Variants in CMTM8 observed in about 807,000 individuals in gnomAD.
The protein encoded by CMTM8 is CKLF like MARVEL transmembrane domain containing 8, also known as CKLF-like MARVEL transmembrane domain-containing protein 8.
CMTM8 carries 12 observed loss-of-function variants against 18.6 expected under a neutral mutation model. That is an observed-to-expected ratio of 0.65 (90% CI 0.41 to 1.05). The LOEUF (loss-of-function observed/expected upper bound fraction) is 1.05. CMTM8 is among the 50% of genes least tolerant of loss of function. The probability of loss-of-function intolerance (pLI) is 0.00; values close to 1 mark genes in which losing one functional copy is unlikely to be tolerated. For missense variants in CMTM8, 217 were observed against 227.2 expected (o/e 0.95, Z 0.29); for synonymous variants, 87 against 90.6 (o/e 0.96, Z 0.23).
chr3:32,272,720 G>C (rs1702456830), intron 1 of CMTM8, among the ~76,000 whole-genome samples: 1 of 152,112 alleles, frequency 6.6e-6, no homozygotes, highest in Non-Finnish European at 1.5e-5. Flanking sequence ...AATTGAAAGG[G>C]ACATCTTTTC....
intron 1 of CMTM8, among the ~76,000 whole-genome samples, chr3:32,258,310 A>AT (rs1006542649): frequency 2.6e-5 from 4 of 152,048 alleles, no homozygotes; most frequent in African/African-American, 4.8e-5. Context: ...ACTACTACGT[A>AT]TTTTTTTAAT....
intron 1 of CMTM8, among the ~76,000 whole-genome samples, chr3:32,264,516 A>T (rs1002473628): frequency 1.3e-5 from 2 of 152,240 alleles, no homozygotes; most frequent in African/African-American, 4.8e-5. Flanking sequence ...TGTAAAGACC[A>T]TCGAGGCTAG....
intron 1 of CMTM8, among the ~76,000 whole-genome samples, chr3:32,315,215 T>C (rs767055764): frequency 4.0e-5 from 6 of 151,416 alleles, no homozygotes; most frequent in Admixed American, 4.0e-4. Flanking sequence ...CCGCAACCTC[T>C]GCCTCCCAGG....
At chr3:32,239,178 CG>C in intron 1 of CMTM8, 59 bp downstream of exon 1, 1 of 1,534,722 alleles carries the variant, frequency 6.5e-7, no homozygotes, top group Non-Finnish European at 8.8e-7. Context: ...CGCGTGCTTC[CG>C]CCGTGCTTCT....
chr3:32,259,364 A>C (rs557012822), intron 1 of CMTM8: 1 of 779,894 alleles, frequency 1.3e-6, no homozygotes, highest in South Asian at 1.3e-5. Flanking sequence ...GGTCTTCTCA[A>C]ATACTGTGGA....
In CMTM8 at chr3:32,331,385, G is replaced by C. The variant is rs377417883; in HGVS notation, c.148-25988G>C. Reference sequence around the variant, plus strand: ...GCACATGGGAATGTAAAATGATGAGGCCGCTCTGGAAAACAGTACGGGGGG... The same window carrying C: ...GCACATGGGAATGTAAAATGATGAGCCCGCTCTGGAAAACAGTACGGGGGG... On this transcript the variant is annotated intron_variant, in intron 1 of 3. Coordinates refer to ENST00000307526, the MANE Select transcript of CMTM8 (RefSeq NM_178868.5). 2.0e-5 allele frequency among the ~76,000 whole-genome samples: 3 copies of C among 152,158 alleles called. No individual in the cohort carries two copies. The Middle Eastern group carries it at 0.01, about 518-fold the overall frequency.
intron 1 of CMTM8, among the ~76,000 whole-genome samples, chr3:32,240,530 G>A (rs1442203364): frequency 6.6e-6 from 1 of 152,194 alleles, no homozygotes; most frequent in Non-Finnish European, 1.5e-5. Context: ...CAGGCATGAA[G>A]TATAACGCCT....
intron 2 of CMTM8, among the ~76,000 whole-genome samples, chr3:32,365,313 AAG>A (rs1485718260): frequency 6.6e-6 from 1 of 151,862 alleles, no homozygotes; most frequent in Non-Finnish European, 1.5e-5. Flanking sequence ...GAAAAAAAAA[AAG>A]AGAGAAAGAG....
intron 1 of CMTM8, among the ~76,000 whole-genome samples, chr3:32,282,469 G>A (rs1319033715): frequency 1.3e-5 from 2 of 151,966 alleles, no homozygotes; most frequent in South Asian, 2.1e-4. Context: ...GTGATTTGGC[G>A]ATATTAGAAA....
At chr3:32,289,232 G>A (rs938139463) in intron 1 of CMTM8, among the ~76,000 whole-genome samples, 5 of 152,146 alleles carry the variant, frequency 3.3e-5, no homozygotes, top group Admixed American at 2.0e-4. Flanking sequence ...CCCTAAATCT[G>A]AATTTTAATT....
At chr3:32,316,456 A>C (rs1371953469) in intron 1 of CMTM8, among the ~76,000 whole-genome samples, 1 of 152,236 alleles carries the variant, frequency 6.6e-6, no homozygotes. Flanking sequence ...GTGTTTACAC[A>C]TTGTGTCCTG....
At chr3:32,323,451 T>A (rs1482563159) in intron 1 of CMTM8, among the ~76,000 whole-genome samples, 1 of 152,246 alleles carries the variant, frequency 6.6e-6, no homozygotes, top group Non-Finnish European at 1.5e-5. Flanking sequence ...AATGTGGGCA[T>A]GGCCAGATTT....
chr3:32,285,527 TTA>T (rs1575159984), intron 1 of CMTM8, among the ~76,000 whole-genome samples: 1 of 41,084 alleles, frequency 2.4e-5, no homozygotes, highest in South Asian at 1.1e-3. Context: ...AAAAAAAAAA[TTA>T]AATTAATAAT....
chr3:32,273,341 C>T (rs1702470173), intron 1 of CMTM8, among the ~76,000 whole-genome samples: 1 of 152,030 alleles, frequency 6.6e-6, no homozygotes, highest in Non-Finnish European at 1.5e-5. Context: ...TACACACACA[C>T]ACACACATAT....
intron 1 of CMTM8, among the ~76,000 whole-genome samples, chr3:32,343,857 G>T (rs56324423): frequency 1.3e-5 from 2 of 152,116 alleles, no homozygotes; most frequent in African/African-American, 2.4e-5. Context: ...GTGCCACCAC[G>T]CCTGGCTAAT....
At chr3:32,328,918 C>T (rs1254048272) in intron 1 of CMTM8, among the ~76,000 whole-genome samples, 1 of 152,152 alleles carries the variant, frequency 6.6e-6, no homozygotes, top group Non-Finnish European at 1.5e-5. Context: ...GAAGAATTAA[C>T]ACCAGTCCTT....
At chr3:32,328,529 AACAGAGC>A (rs1696210653) in intron 1 of CMTM8, among the ~76,000 whole-genome samples, 1 of 151,214 alleles carries the variant, frequency 6.6e-6, no homozygotes, top group Admixed American at 6.6e-5. Flanking sequence ...CAGCCTTGGC[AACAGAGC>A]AGGACCAAAA....
At position 32,334,242 on chromosome 3, in the gene CMTM8, T is replaced by C. The variant is rs1385223935; in HGVS notation, c.148-23131T>C. On this transcript the variant is annotated intron_variant, in intron 1 of 3. Transcript: ENST00000307526. ...ATCCACCCGCCTCTGCCTCCCAAAGTGCTGGGACTACAGGCGTGAGCCACC... is the reference window on the plus strand; with the variant it reads ...ATCCACCCGCCTCTGCCTCCCAAAGCGCTGGGACTACAGGCGTGAGCCACC... 2.0e-5 allele frequency among the ~76,000 whole-genome samples: 3 copies of C among 151,682 alleles called. No homozygotes were observed. The East Asian group carries it at 5.9e-4, about 30-fold the overall frequency.
At chr3:32,258,370 T>C (rs1241178977) in intron 1 of CMTM8, among the ~76,000 whole-genome samples, 1 of 152,238 alleles carries the variant, frequency 6.6e-6, no homozygotes, top group Non-Finnish European at 1.5e-5. Context: ...AAAGAGGTCC[T>C]AGCTACAAAG....
Sources: gnomAD v4.1 joint callset for allele counts (sites outside exome capture counted in the v4.1 genomes callset) on GRCh38, gnomAD v4.1.1 for gene constraint, MANE v1.5 for transcripts, NCBI Gene and HGNC (gene_info 2026-07-23, HGNC 2026-07-21) for gene names.